ZNF148: variants seen among roughly 807,000 people sequenced by gnomAD.
ZNF148 encodes zinc finger protein 148, also known as Beta-Enolase Repressor Factor-1.
ZNF148 carries 7 observed loss-of-function variants against 67.7 expected under a neutral mutation model. That is an observed-to-expected ratio of 0.10 (90% confidence interval 0.06 to 0.19). The LOEUF is 0.19. Ranked by LOEUF, ZNF148 falls within the 10% of genes least tolerant of loss-of-function variation. ZNF148 has a pLI of 1.00. For missense variants in ZNF148, 583 were observed against 947.1 expected, an observed-to-expected ratio of 0.62 and a Z score of 5.05; for synonymous variants, 333 against 330.7, an observed-to-expected ratio of 1.01 and a Z score of -0.08.
chr3:125,312,339 T>C (rs1483281354), intron 4 of ZNF148, among the ~76,000 whole-genome samples: 1 of 152,224 alleles, frequency 6.6e-6, no homozygotes, highest in Admixed American at 6.5e-5. Flanking sequence ...GTTACTGCAA[T>C]GGGCTAGGTA....
intron 3 of ZNF148, among the ~76,000 whole-genome samples, chr3:125,317,643 T>TTATATA (rs796710882): frequency 3.0e-4 from 30 of 100,994 alleles, no homozygotes; most frequent in Admixed American, 9.5e-4. Context: ...GTAAGATCTT[T>TTATATA]TATATATATA....
At chr3:125,251,067 C>A (rs890414959) in intron 7 of ZNF148, among the ~76,000 whole-genome samples, 12 of 152,168 alleles carry the variant, frequency 7.9e-5, no homozygotes, top group African/African-American at 2.9e-4. Flanking sequence ...AAACTTTTTA[C>A]TAGAGTGTAA....
intron 7 of ZNF148, among the ~76,000 whole-genome samples, chr3:125,262,143 T>C (rs1329201363): frequency 1.3e-5 from 2 of 152,192 alleles, no homozygotes; most frequent in Non-Finnish European, 2.9e-5. Context: ...TTTGAAACCG[T>C]CTTGTCACAA....
In ZNF148 at chr3:125,233,217, T is replaced by G. The variant is rs113746965; in HGVS notation, c.1509A>C (p.Ala503=). Residue 503 remains alanine (A), a synonymous_variant, in exon 9 of 9, where the codon GCA becomes GCC. Coordinates refer to ENST00000360647, the MANE Select transcript of ZNF148 (RefSeq NM_021964.3). The surrounding 1 kb of genome is among the most constrained non-coding windows in gnomAD (Gnocchi z 5.1). ...TTTCATCAATGACACTTGCCACAGC[T>G]GCTTGTGTTACAGAAGGCTGAGAAG... ...TIASQPSVTQ[A]AVASVIDEST... 1 of 1,613,882 alleles carries G rather than the reference T, an allele frequency of 6.2e-7. No individual in the cohort carries two copies. Among genetic ancestry groups the G allele is most frequent in the Admixed American group, 1.7e-5 (1 of 59,996 alleles).
chr3:125,297,493 G>A (rs566296400), intron 4 of ZNF148, among the ~76,000 whole-genome samples: 74 of 145,868 alleles, frequency 5.1e-4, no homozygotes, highest in South Asian at 1.2e-3. Flanking sequence ...ACCCACCAGA[G>A]TCAGAAATGA....
At position 125,313,548 on chromosome 3, in the gene ZNF148, T is replaced by G. The variant is rs1579778255; in HGVS notation, c.93A>C (p.Gly31=). ...CAGACACAGTAGACTGGCCAGACAC[T>G]CCACCCATTACAACCATTGTCCTGG... ...QSSRTMVVMG[G]VSGQSTVSGE... is the part of the protein sequence containing the mutation. Residue 31 remains glycine (G), a synonymous_variant, in exon 4 of 9, where the codon GGA becomes GGC. Transcript: ENST00000360647. 1.2e-6 allele frequency: 2 copies of G among 1,614,168 alleles called. No homozygotes were observed. The highest frequency in any genetic ancestry group is 1.7e-6 in the Non-Finnish European group (2 of 1,180,016).
In ZNF148 at chr3:125,288,154, C is replaced by A. The variant is rs1196915263; in HGVS notation, c.408G>T (p.Glu136Asp). Residue 136 changes from glutamate to aspartate, a missense_variant, in exon 5 of 9, where the codon GAG becomes GAT. By Grantham distance (45) the Glu-to-Asp change is conservative. This residue lies in a region of ZNF148 where 150 missense variants were observed against 202.5 expected (regional missense o/e 0.74). Coordinates refer to ENST00000360647, the MANE Select transcript of ZNF148 (RefSeq NM_021964.3). ...QLMRDKKQIR[E>D]PVDLQKKKKR... ...TCTTCTTTTTCTGTAAGTCTACTGG[C>A]TCTCTGATTTGTTTTTTGTCTCTCA... 6.2e-7 allele frequency: 1 copy of A among 1,613,736 alleles called. No individual in the cohort carries two copies. Among genetic ancestry groups the A allele is most frequent in the Non-Finnish European group, 8.5e-7 (1 of 1,179,904 alleles).
intron 1 of ZNF148, among the ~76,000 whole-genome samples, chr3:125,358,877 C>T (rs1179282273): frequency 1.3e-5 from 2 of 152,174 alleles, no homozygotes; most frequent in Non-Finnish European, 2.9e-5. Context: ...CCATGCCACC[C>T]TAGATGTTCA....
intron 7 of ZNF148, among the ~76,000 whole-genome samples, chr3:125,250,005 A>G (rs1432753607): frequency 6.6e-6 from 1 of 152,164 alleles, no homozygotes; most frequent in Admixed American, 6.5e-5. Context: ...AATAATAGTC[A>G]CCAGGAGCTA....
intron 4 of ZNF148, among the ~76,000 whole-genome samples, chr3:125,307,637 G>GA (rs1316140065): frequency 6.6e-6 from 1 of 151,634 alleles, no homozygotes; most frequent in Non-Finnish European, 1.5e-5. Flanking sequence ...AGTAATCTAT[G>GA]AAAAACCTAC....
At chr3:125,318,502 A>AG (rs11375767) in intron 3 of ZNF148, among the ~76,000 whole-genome samples, 51,480 of 151,834 alleles carry the variant, frequency 0.34, 9,411 homozygotes, top group African/African-American at 0.43. Context: ...CTGATTTGGA[A>AG]GGGAAAAAAA....
chr3:125,331,958 T>C (rs1414254194), intron 1 of ZNF148, among the ~76,000 whole-genome samples: 1 of 152,156 alleles, frequency 6.6e-6, no homozygotes, highest in African/African-American at 2.4e-5. Flanking sequence ...ACAAGCCAAA[T>C]ATAATTTTAT....
At chr3:125,351,091 C>T (rs1024254995) in intron 1 of ZNF148, among the ~76,000 whole-genome samples, 1 of 151,980 alleles carries the variant, frequency 6.6e-6, no homozygotes, top group Admixed American at 6.6e-5. Flanking sequence ...CCTGTAATCC[C>T]GGCACTCTGA....
intron 7 of ZNF148, among the ~76,000 whole-genome samples, chr3:125,239,432 A>G (rs1936245542): frequency 6.6e-6 from 1 of 152,180 alleles, no homozygotes; most frequent in Non-Finnish European, 1.5e-5. Flanking sequence ...GATGCTCACC[A>G]TCATGATCAT....
chr3:125,363,608 C>T (rs1274759364), intron 1 of ZNF148, among the ~76,000 whole-genome samples: 1 of 152,092 alleles, frequency 6.6e-6, no homozygotes, highest in Non-Finnish European at 1.5e-5. Flanking sequence ...CTATCCCTCT[C>T]CTTTTATTCC....
In ZNF148 at chr3:125,232,412, C is replaced by T. The variant is rs1935893963; in HGVS notation, c.2314G>A (p.Val772Met). ...TSAEFSEFPLVNVNDNRAGMT... is the reference protein window; with the variant it reads ...TSAEFSEFPLMNVNDNRAGMT... ...CCAGCTCTATTATCATTTACATTCA[C>T]CAAGGGAAATTCTGAAAATTCAGCA... Residue 772 changes from valine to methionine, a missense_variant, in exon 9 of 9, where the codon GTG becomes ATG. Coordinates refer to ENST00000360647, the MANE Select transcript of ZNF148 (RefSeq NM_021964.3). The surrounding 1 kb of genome is among the most constrained non-coding windows in gnomAD (Gnocchi z 4.2). 3 of 1,613,312 alleles carry T rather than the reference C, an allele frequency of 1.9e-6. No individual in the cohort carries two copies. Among genetic ancestry groups the T allele is most frequent in the Non-Finnish European group, 2.5e-6 (3 of 1,179,696 alleles).
chr3:125,267,706 T>C (rs1420434295), intron 7 of ZNF148, among the ~76,000 whole-genome samples: 1 of 152,106 alleles, frequency 6.6e-6, no homozygotes, highest in East Asian at 1.9e-4. Flanking sequence ...CTCTTCAACA[T>C]AGTACTGGAA....
intron 4 of ZNF148, among the ~76,000 whole-genome samples, chr3:125,288,861 C>T (rs1438278055): frequency 6.6e-6 from 1 of 152,122 alleles, no homozygotes; most frequent in Non-Finnish European, 1.5e-5. Flanking sequence ...TTTTAGGCTG[C>T]TACACTGTAC....
rs979883536 is a variant in ZNF148, at chr3:125,371,375, G to T, written c.-234+3727C>A. On this transcript the variant is annotated intron_variant, in intron 1 of 8. Coordinates refer to ENST00000360647, the MANE Select transcript of ZNF148 (RefSeq NM_021964.3). ...CTGTTTCAAAAAAAAAAAAAAAAGG[G>T]GGGGGGGGGGGCAGGGCGAAGTGGC... 9.4e-3 allele frequency among the ~76,000 whole-genome samples: 133 copies of T among 14,142 alleles called. 2 individuals are homozygous for T. The highest frequency in any genetic ancestry group is 0.071 in the Middle Eastern group (1 of 14). The allele number at this position is 14,142 out of a possible 152,430, so 9.3% of individuals were successfully genotyped here.
Sources: gnomAD v4.1 joint callset for allele counts (sites outside exome capture counted in the v4.1 genomes callset) on GRCh38, gnomAD v4.1.1 for gene constraint, gnomAD v4.1.1 regional missense constraint, Gnocchi (gnomAD v3.1) non-coding constraint, MANE v1.5 for transcripts, NCBI Gene and HGNC (gene_info 2026-07-23, HGNC 2026-07-21) for gene names.